Variants in CHSY3 observed in about 807,000 individuals in gnomAD.
The protein encoded by CHSY3 is chondroitin sulfate synthase 3.
CHSY3 carries 35 observed loss-of-function variants against 67.2 expected under a neutral mutation model. The observed-to-expected ratio is 0.52, with a 90% CI of 0.40 to 0.69. CHSY3 has a LOEUF of 0.69. Among genes scored for constraint, CHSY3 ranks in the 30% least tolerant of loss-of-function variants. The pLI, the probability that CHSY3 is intolerant of heterozygous loss-of-function variation, is 0.00. For synonymous variants in CHSY3, 474 were observed against 434.7 expected, an observed-to-expected ratio of 1.09 and a Z score of -1.12; for missense variants, 1,069 against 1,138.5, an observed-to-expected ratio of 0.94 and a Z score of 0.88.
At chr5:129,966,072 A>G (rs1002300931) in intron 2 of CHSY3, among the ~76,000 whole-genome samples, 2 of 151,876 alleles carry the variant, frequency 1.3e-5, no homozygotes, top group Non-Finnish European at 2.9e-5. Flanking sequence ...TCCAGGTGAT[A>G]GTCTGTATTT....
chr5:130,070,667 G>C (rs919182283), intron 2 of CHSY3, among the ~76,000 whole-genome samples: 2 of 152,000 alleles, frequency 1.3e-5, no homozygotes, highest in African/African-American at 4.8e-5. Context: ...TTTGGCTAAA[G>C]GCCCTATTCC....
intron 2 of CHSY3, among the ~76,000 whole-genome samples, chr5:130,065,279 C>T (rs756565459): frequency 3.9e-5 from 6 of 151,966 alleles, no homozygotes; most frequent in Non-Finnish European, 8.8e-5. Context: ...CATTTAGAAC[C>T]AGCTTGAAAA....
At chr5:129,934,714 C>T (rs549626044) in intron 2 of CHSY3, among the ~76,000 whole-genome samples, 10 of 152,216 alleles carry the variant, frequency 6.6e-5, no homozygotes, top group Middle Eastern at 3.4e-3. Flanking sequence ...AACATAGATA[C>T]CCCATATTTT....
At chr5:130,028,214 C>T (rs938758872) in intron 2 of CHSY3, among the ~76,000 whole-genome samples, 2 of 152,144 alleles carry the variant, frequency 1.3e-5, no homozygotes, top group African/African-American at 2.4e-5. Context: ...CCAAGACAAT[C>T]CTAAGCCAAA....
At chr5:130,124,352 C>T (rs1223106681) in intron 2 of CHSY3, among the ~76,000 whole-genome samples, 2 of 150,460 alleles carry the variant, frequency 1.3e-5, no homozygotes, top group Non-Finnish European at 2.9e-5. Context: ...AATGAATCAA[C>T]AGTAGTTATT....
chr5:129,976,708 C>T (rs1561481515), intron 2 of CHSY3, among the ~76,000 whole-genome samples: 1 of 152,030 alleles, frequency 6.6e-6, no homozygotes, highest in East Asian at 1.9e-4. Flanking sequence ...TGTGTAGGAA[C>T]TGGCTACTCT....
intron 2 of CHSY3, among the ~76,000 whole-genome samples, chr5:129,952,021 A>C (rs538636825): frequency 2.0e-5 from 3 of 152,218 alleles, no homozygotes; most frequent in Admixed American, 1.3e-4. Flanking sequence ...TTATCACATA[A>C]TTAGCTTTTA....
chr5:129,948,076 A>C (rs1011519638), intron 2 of CHSY3, among the ~76,000 whole-genome samples: 3 of 152,152 alleles, frequency 2.0e-5, no homozygotes, highest in Non-Finnish European at 4.4e-5. Context: ...AATTTTCTTG[A>C]TGGTGTCTTC....
At position 129,932,136 on chromosome 5, in the gene CHSY3, A is replaced by G. The variant is rs192186279; in HGVS notation, c.1086+23776A>G. ...TATATATATATATATATATATATAT[A>G]TATATATGTATATGAGAGTTAGCTA... On this transcript the variant is annotated intron_variant, in intron 2 of 2. Transcript: ENST00000305031. Among the ~76,000 whole-genome samples the G allele has an allele frequency of 6.2e-3, 597 of 95,712 alleles. 9 individuals carry two copies. The highest frequency in any genetic ancestry group is 0.02 in the African/African-American group (565 of 27,814). The allele number at this position is 95,712 out of a possible 152,430, so 62.8% of individuals were successfully genotyped here.
chr5:130,141,645 T>A, intron 2 of CHSY3: 1 of 524,134 alleles, frequency 1.9e-6, no homozygotes, highest in South Asian at 1.4e-5. Context: ...AGAATTCAGT[T>A]GAAAGCTATG....
intron 2 of CHSY3, among the ~76,000 whole-genome samples, chr5:130,009,120 C>CA (rs1321694212): frequency 6.6e-6 from 1 of 152,074 alleles, no homozygotes; most frequent in East Asian, 1.9e-4. Context: ...AGAATCCTTG[C>CA]AAAATCGTAT....
chr5:130,024,765 T>C (rs1353117110), intron 2 of CHSY3, among the ~76,000 whole-genome samples: 2 of 152,178 alleles, frequency 1.3e-5, no homozygotes, highest in Non-Finnish European at 2.9e-5. Context: ...CAATTTGAGA[T>C]AGACTAATTC....
intron 2 of CHSY3, among the ~76,000 whole-genome samples, chr5:130,006,929 AT>A (rs1272546501): frequency 4.6e-5 from 7 of 152,312 alleles, no homozygotes; most frequent in Admixed American, 6.5e-5. Context: ...TCTGTCAGAC[AT>A]TATGCCACAC....
At chr5:129,962,954 G>A (rs1228128339) in intron 2 of CHSY3, among the ~76,000 whole-genome samples, 1 of 151,920 alleles carries the variant, frequency 6.6e-6, no homozygotes, top group Non-Finnish European at 1.5e-5. Context: ...GGGTCTTTGC[G>A]GGTTATGTTT....
intron 2 of CHSY3, among the ~76,000 whole-genome samples, chr5:129,933,640 A>G (rs1581380835): frequency 6.6e-6 from 1 of 152,152 alleles, no homozygotes; most frequent in South Asian, 2.1e-4. Context: ...ACAGTTTTTT[A>G]ATTCAGTGAG....
intron 2 of CHSY3, among the ~76,000 whole-genome samples, chr5:130,071,801 A>G (rs1766081246): frequency 6.6e-6 from 1 of 152,046 alleles, no homozygotes; most frequent in Admixed American, 6.6e-5. Flanking sequence ...TATTTTTCAA[A>G]GTGACTGTAC....
intron 2 of CHSY3, among the ~76,000 whole-genome samples, chr5:129,987,399 A>G (rs1374660692): frequency 1.3e-5 from 2 of 152,242 alleles, no homozygotes; most frequent in African/African-American, 4.8e-5. Context: ...CAAAATGTTT[A>G]TTATGACAGA....
intron 2 of CHSY3, among the ~76,000 whole-genome samples, chr5:129,934,573 T>C (rs1761427976): frequency 6.6e-6 from 1 of 152,112 alleles, no homozygotes; most frequent in African/African-American, 2.4e-5. Context: ...CTGTAGCAGG[T>C]TCTGGAGGAG....
At chr5:130,145,379 A>T (rs1289532261) in intron 2 of CHSY3, among the ~76,000 whole-genome samples, 1 of 152,192 alleles carries the variant, frequency 6.6e-6, no homozygotes, top group Non-Finnish European at 1.5e-5. Context: ...TTGCTGGGAA[A>T]ATTTGATATC....
Sources: gnomAD v4.1 joint callset for allele counts (sites outside exome capture counted in the v4.1 genomes callset) on GRCh38, gnomAD v4.1.1 for gene constraint, MANE v1.5 for transcripts, NCBI Gene and HGNC (gene_info 2026-07-23, HGNC 2026-07-21) for gene names.